MACF1: variants seen among roughly 807,000 people sequenced by gnomAD.
MACF1 encodes microtubule actin crosslinking factor 1.
In MACF1, 193 loss-of-function variants were observed where a neutral mutation model predicts 854.8. The observed-to-expected ratio is 0.23, with a 90% CI of 0.20 to 0.25. The LOEUF is 0.25. Ranked by LOEUF, MACF1 falls within the 10% of genes least tolerant of loss-of-function variation. MACF1 has a pLI of 1.00. For missense variants in MACF1, 7,722 were observed against 8,929.1 expected, an observed-to-expected ratio of 0.86 and a Z score of 5.45; for synonymous variants, 3,185 against 3,226.7, an observed-to-expected ratio of 0.99 and a Z score of 0.44.
rs1386404789 is a variant in MACF1, at chr1:39,335,734, T to C, written c.9146T>C (p.Val3049Ala). 3 of 1,613,800 alleles carry C rather than the reference T, an allele frequency of 1.9e-6. No homozygotes were observed. The highest frequency in any genetic ancestry group is 2.7e-5 in the African/African-American group (2 of 74,912). Reference sequence around the variant, plus strand: ...ATTGAAGAGTCCTCTTCCCAAGTGGTACCTCAAGGAATTTCTGTAAAACAT... The same window carrying C: ...ATTGAAGAGTCCTCTTCCCAAGTGGCACCTCAAGGAATTTCTGTAAAACAT... ...FKIEESSSQV[V>A]PQGISVKHLD... Residue 3049 changes from valine (V) to alanine (A), a missense_variant, in exon 37 of 101, where the codon GTA (valine) becomes GCA (alanine). By Grantham distance (64) the Val-to-Ala change is moderately conservative. This residue lies in a region of MACF1 where 854 missense variants were observed against 852.6 expected (regional missense o/e 1.00). Coordinates refer to ENST00000564288, the MANE Select transcript of MACF1 (RefSeq NM_001394062.1).
chr1:39,220,059 T>C (rs1179774066), intron 1 of MACF1, among the ~76,000 whole-genome samples: 1 of 151,720 alleles, frequency 6.6e-6, no homozygotes, highest in South Asian at 2.1e-4. Context: ...GGCCTGAAAA[T>C]ACCATCTTAA....
intron 58 of MACF1, among the ~76,000 whole-genome samples, chr1:39,402,055 T>C (rs1642496977): frequency 1.3e-5 from 2 of 150,656 alleles, no homozygotes; most frequent in South Asian, 4.2e-4. Flanking sequence ...CTACTAAAAA[T>C]ACAAAAATTA....
rs190085411 is a variant in MACF1 at position 39,463,230 on chromosome 1, T to G, written c.21679-382T>G. On this transcript the variant is annotated intron_variant, in intron 93 of 100. Transcript: ENST00000564288. ...AGCTGTGCGTGGTGGCTCACGCCTG[T>G]AATCCCAGCACTTTGGGAGGCTGAG... Among the ~76,000 whole-genome samples, 3 of 152,300 alleles carry G rather than the reference T, an allele frequency of 2.0e-5. No homozygotes were observed. The East Asian group carries it at 5.8e-4, about 29-fold the overall frequency.
intron 93 of MACF1, among the ~76,000 whole-genome samples, chr1:39,463,123 TAGTA>T (rs1177870562): frequency 6.6e-6 from 1 of 152,214 alleles, no homozygotes; most frequent in Admixed American, 6.5e-5. Flanking sequence ...TTAGTTCACT[TAGTA>T]AGAAGAACAT....
chr1:39,351,650 A>C (rs926091607), intron 43 of MACF1, among the ~76,000 whole-genome samples: 4 of 140,140 alleles, frequency 2.9e-5, no homozygotes, highest in African/African-American at 1.1e-4. Flanking sequence ...ACAGTGGTGC[A>C]ATCTCAGCTC....
At chr1:39,458,756 C>G (rs745835527) in intron 90 of MACF1, 5 of 512,924 alleles carry the variant, frequency 9.7e-6, no homozygotes, top group African/African-American at 1.9e-5. Context: ...GTTATCAGCC[C>G]TAGCTGTTTA....
chr1:39,388,253 C>T lies in MACF1; in HGVS notation c.15411C>T (p.Asp5137=), dbSNP rs780112842. Residue 5137 remains aspartate (D), a synonymous_variant, in exon 58 of 101, where the codon GAC becomes GAT. Coordinates refer to ENST00000564288, the MANE Select transcript of MACF1 (RefSeq NM_001394062.1). ...RVREMFSQLA[D]LDDELDGMGA... is the part of the protein sequence containing the mutation. Reference sequence around the variant, plus strand: ...GAGAGATGTTCTCTCAATTGGCAGACCTGGATGATGAGCTAGATGGCATGG... The same window carrying T: ...GAGAGATGTTCTCTCAATTGGCAGATCTGGATGATGAGCTAGATGGCATGG... 30 of 1,614,038 alleles carry T rather than the reference C, an allele frequency of 1.9e-5. No homozygotes were observed. In the Admixed American group the frequency reaches 2.8e-4, roughly 15 times the overall value.
At position 39,423,932 on chromosome 1, in the gene MACF1, G is replaced by A. The variant is rs376925176; in HGVS notation, c.16150-96G>A. ...ACTTCTTTTACTCAATGAAGCTTAG[G>A]ATTTGGCGGGTTGGTTTCTTTTGTT... On this transcript the variant is annotated intron_variant, in intron 60 of 100. Coordinates refer to ENST00000564288, the MANE Select transcript of MACF1 (RefSeq NM_001394062.1). 8 of 1,076,346 alleles carry A rather than the reference G, an allele frequency of 7.4e-6. 2 individuals carry two copies. Among genetic ancestry groups the A allele is most frequent in the African/African-American group, 4.9e-5 (3 of 60,868 alleles). The allele number at this position is 1,076,346 out of a possible 1,614,324, so 66.7% of individuals were successfully genotyped here. A position where few individuals can be genotyped will look rare whatever the true frequency, so the allele number is the denominator to read the frequency against.
At chr1:39,282,806 C>T (rs1645573004) in intron 7 of MACF1, among the ~76,000 whole-genome samples, 2 of 152,188 alleles carry the variant, frequency 1.3e-5, no homozygotes, top group South Asian at 4.2e-4. Context: ...TGCAAAGGGC[C>T]TGGAGTGAGG....
intron 44 of MACF1, among the ~76,000 whole-genome samples, chr1:39,355,458 T>C (rs1261497324): frequency 7.1e-6 from 1 of 141,548 alleles, no homozygotes; most frequent in African/African-American, 2.7e-5. Context: ...TTTTTTCTTC[T>C]GCTTTTTTTT....
intron 70 of MACF1, 117 bp from the exon 71 acceptor site, chr1:39,437,660 A>G: frequency 1.1e-6 from 1 of 908,640 alleles, no homozygotes; most frequent in Non-Finnish European, 1.8e-6. Flanking sequence ...ATTGGGCTAA[A>G]CTGAGCACAG....
At chr1:39,393,192 A>ATATATATATATATATATATATAT (rs1434134146) in intron 58 of MACF1, among the ~76,000 whole-genome samples, 3 of 84,642 alleles carry the variant, frequency 3.5e-5, no homozygotes, top group Admixed American at 2.3e-4. Flanking sequence ...AAAAAAAAAA[A>ATATATATATATATATATATATAT]AAAAATATAT....
At chr1:39,143,873 C>T (rs1442731329) in intron 2 of MACF1, among the ~76,000 whole-genome samples, 2 of 152,016 alleles carry the variant, frequency 1.3e-5, no homozygotes, top group Admixed American at 1.3e-4. Flanking sequence ...CTCCTGGGTT[C>T]ACACCATTCT....
chr1:39,449,929 G>A (rs909495467), intron 84 of MACF1, among the ~76,000 whole-genome samples: 1 of 151,754 alleles, frequency 6.6e-6, no homozygotes, highest in Non-Finnish European at 1.5e-5. Context: ...GCACTGTCTC[G>A]GGTCACTGCA....
intron 42 of MACF1, among the ~76,000 whole-genome samples, chr1:39,350,217 G>A (rs1476527512): frequency 3.3e-5 from 5 of 152,200 alleles, no homozygotes; most frequent in South Asian, 4.1e-4. Context: ...AGGCGTTAAT[G>A]CATGAAGAGG....
In MACF1 at chr1:39,332,020, G is replaced by T. The variant is rs1646736318; in HGVS notation, c.5432G>T (p.Gly1811Val). 1.2e-6 allele frequency: 2 copies of T among 1,614,032 alleles called. No homozygotes were observed. The highest frequency in any genetic ancestry group is 4.5e-5 in the East Asian group (2 of 44,882). ...CAILIRQLQT[G>V]GIIDTVTGQR... ...ATCCTCATAAGGCAGCTTCAGACAG[G>T]AGGCATCATAGACACTGTCACGGGG... The change falls in exon 37 of 101, where the codon GGA (glycine) becomes GTA (valine). Residue 1811 changes from glycine to valine, a missense_variant. Physicochemically the swap from Gly to Val is moderately radical, Grantham distance 109. Around this residue, in one of 15 missense-constraint regions of MACF1, gnomAD observed 1,531 missense variants for 1,601.6 expected, o/e 0.96. Transcript: ENST00000564288.
intron 41 of MACF1, among the ~76,000 whole-genome samples, chr1:39,348,958 G>A (rs1647118282): frequency 6.6e-6 from 1 of 152,134 alleles, no homozygotes; most frequent in South Asian, 2.1e-4. Flanking sequence ...TATTTAATGA[G>A]TCTCTGGATT....
chr1:39,256,228 G>A (rs1188580806), intron 5 of MACF1, among the ~76,000 whole-genome samples: 1 of 152,202 alleles, frequency 6.6e-6, no homozygotes, highest in Non-Finnish European at 1.5e-5. Context: ...TTGGCCAAGG[G>A]AGGTAGACTT....
At chr1:39,363,471 C>T (rs1264460038) in intron 49 of MACF1, among the ~76,000 whole-genome samples, 1 of 152,024 alleles carries the variant, frequency 6.6e-6, no homozygotes, top group South Asian at 2.1e-4. Context: ...ATTACGTAAT[C>T]CTTTGCTTTT....
Sources: gnomAD v4.1 joint callset for allele counts (sites outside exome capture counted in the v4.1 genomes callset) on GRCh38, gnomAD v4.1.1 for gene constraint, gnomAD v4.1.1 regional missense constraint, MANE v1.5 for transcripts, NCBI Gene and HGNC (gene_info 2026-07-23, HGNC 2026-07-21) for gene names.